Variants in EXPH5 observed in about 807,000 individuals in gnomAD.
EXPH5 encodes exophilin 5.
In EXPH5, 42 loss-of-function variants were observed where a neutral mutation model predicts 41.1. That is an observed-to-expected ratio of 1.02 (90% CI 0.80 to 1.32). The LOEUF is 1.32. Ranked by LOEUF, EXPH5 falls within the 40% of genes most tolerant of loss-of-function variation. The pLI is 0.00. For missense variants in EXPH5, 2,298 were observed against 2,314.5 expected, an observed-to-expected ratio of 0.99 and a Z score of 0.15; for synonymous variants, 798 against 833.5, an observed-to-expected ratio of 0.96 and a Z score of 0.73.
rs533307982 is a variant in EXPH5 at position 108,584,430 on chromosome 11, A to AT, written c.119+8987dup. Reference sequence around the variant, plus strand: ...GAGGTGGAGGTTGCATTGAGCCAAGATTGTGCCACCGCACTCCAGCTTAGG... The same window carrying AT: ...GAGGTGGAGGTTGCATTGAGCCAAGATTTGTGCCACCGCACTCCAGCTTAGG... On this transcript the variant is annotated intron_variant, in intron 1 of 5. Transcript: ENST00000265843. 1.8e-3 allele frequency among the ~76,000 whole-genome samples: 272 copies of AT among 152,142 alleles called. 3 individuals carry two copies. The highest frequency in any genetic ancestry group is 6.1e-3 in the African/African-American group (253 of 41,494).
At chr11:108,515,934 T>A (rs2135938322) in intron 5 of EXPH5, among the ~76,000 whole-genome samples, 1 of 151,710 alleles carries the variant, frequency 6.6e-6, no homozygotes, top group South Asian at 2.1e-4. Context: ...TAGCCGGGCG[T>A]GGTGGCGGGC....
At chr11:108,517,418 C>T (rs1159215024) in intron 5 of EXPH5, among the ~76,000 whole-genome samples, 1 of 152,252 alleles carries the variant, frequency 6.6e-6, no homozygotes, top group African/African-American at 2.4e-5. Context: ...CTCTACCCGA[C>T]TGCTGTCCCA....
At chr11:108,572,785 C>G (rs1413051494) in intron 1 of EXPH5, among the ~76,000 whole-genome samples, 1 of 152,038 alleles carries the variant, frequency 6.6e-6, no homozygotes, top group African/African-American at 2.4e-5. Flanking sequence ...TCTTGAACTC[C>G]TGACCTTAGG....
At chr11:108,603,200 G>A in the EXPH5 span, among the ~76,000 whole-genome samples, 1 of 152,158 alleles carries the variant, frequency 6.6e-6, no homozygotes, top group Non-Finnish European at 1.5e-5. Context: ...CCCAGTCTCA[G>A]GTAGTTCTTT....
intron 1 of EXPH5, among the ~76,000 whole-genome samples, chr11:108,582,616 A>G (rs772693614): frequency 6.6e-6 from 1 of 152,228 alleles, no homozygotes; most frequent in Non-Finnish European, 1.5e-5. Context: ...TTTCTTGAGC[A>G]TGTAAGTGGA....
chr11:108,550,616 T>C (rs185260276), intron 1 of EXPH5, among the ~76,000 whole-genome samples: 7 of 152,054 alleles, frequency 4.6e-5, no homozygotes, highest in Admixed American at 2.6e-4. Flanking sequence ...CTGTCTCTAC[T>C]AAAAATATAA....
In EXPH5 at chr11:108,544,402, A is replaced by G. The variant is rs143140489; in HGVS notation, c.120-2590T>C. On this transcript the variant is annotated intron_variant, in intron 1 of 5. Coordinates refer to ENST00000265843, the MANE Select transcript of EXPH5 (RefSeq NM_015065.3). ...AGGCTTGCCTTAAACTCCTGGCCTC[A>G]AGCGATCCTCCCACTTCAGCCCCTC... 1.6e-3 allele frequency among the ~76,000 whole-genome samples: 249 copies of G among 152,228 alleles called. 1 individual carries two copies. Among genetic ancestry groups the G allele is most frequent in the African/African-American group, 5.8e-3 (240 of 41,540 alleles).
chr11:108,570,526 A>G (rs546262213), intron 1 of EXPH5, among the ~76,000 whole-genome samples: 3 of 152,112 alleles, frequency 2.0e-5, no homozygotes, highest in Non-Finnish European at 4.4e-5. Context: ...AAGTGCTGGG[A>G]TTACAGGTGT....
At chr11:108,579,997 A>G (rs12286270) in intron 1 of EXPH5, among the ~76,000 whole-genome samples, 9,391 of 152,206 alleles carry the variant, frequency 0.062, 773 homozygotes, top group African/African-American at 0.19. Flanking sequence ...CTGGGGAAAT[A>G]TTTTATGAAT....
intron 5 of EXPH5, among the ~76,000 whole-genome samples, chr11:108,515,899 C>T (rs190574177): frequency 6.6e-6 from 1 of 151,934 alleles, no homozygotes; most frequent in Non-Finnish European, 1.5e-5. Flanking sequence ...GGTGAAACCC[C>T]GTCTCCACTA....
rs751651302 is a variant in EXPH5, at chr11:108,512,129, G to A, written c.3378C>T (p.Pro1126=). 4 of 1,613,828 alleles carry A rather than the reference G, an allele frequency of 2.5e-6. No individual in the cohort carries two copies. The highest frequency in any genetic ancestry group is 2.5e-6 in the Non-Finnish European group (3 of 1,179,914). The stretch of plus-strand genomic sequence containing the variant: ...CAGTTGAGGCATGTGGCTCCCCTGA[G>A]GGACATGACATAGCCCTGTTGATGA... The part of the protein sequence containing the change: ...PFLINRAMSC[P]SGEPHASTGR... Residue 1126 remains proline (P), a synonymous_variant, in exon 6 of 6, where the codon CCC becomes CCT. Coordinates refer to ENST00000265843, the MANE Select transcript of EXPH5 (RefSeq NM_015065.3).
At chr11:108,520,136 T>C (rs2093755836) in intron 4 of EXPH5, among the ~76,000 whole-genome samples, 1 of 152,084 alleles carries the variant, frequency 6.6e-6, no homozygotes, top group South Asian at 2.1e-4. Context: ...CCGCCTGAGC[T>C]CCGCCTCCAG....
chr11:108,538,561 T>C (rs1385591007), intron 3 of EXPH5, among the ~76,000 whole-genome samples: 3 of 152,210 alleles, frequency 2.0e-5, no homozygotes, highest in African/African-American at 4.8e-5. Flanking sequence ...TTTAGAATTC[T>C]ATTTTTCTCT....
At chr11:108,547,902 T>C (rs2093945635) in intron 1 of EXPH5, among the ~76,000 whole-genome samples, 1 of 151,874 alleles carries the variant, frequency 6.6e-6, no homozygotes, top group South Asian at 2.1e-4. Context: ...CTGAGGTCAG[T>C]AGTTCAAGAC....
At chr11:108,534,042 G>A (rs938188266) in intron 3 of EXPH5, among the ~76,000 whole-genome samples, 7 of 152,068 alleles carry the variant, frequency 4.6e-5, no homozygotes, top group African/African-American at 7.2e-5. Context: ...TGAGTCTCCC[G>A]CCTCAGCCTC....
chr11:108,599,763 G>A, the EXPH5 span, among the ~76,000 whole-genome samples: 1 of 152,190 alleles, frequency 6.6e-6, no homozygotes, highest in Non-Finnish European at 1.5e-5. Flanking sequence ...ACCTGGAAAA[G>A]AAACCTTTTT....
intron 4 of EXPH5, 103 bp downstream of exon 4, chr11:108,528,033 T>C (rs1388948779): frequency 5.5e-6 from 4 of 721,228 alleles, no homozygotes; most frequent in Non-Finnish European, 9.6e-6. Flanking sequence ...CTAAAATAAA[T>C]TTAAAACTGA....
intron 1 of EXPH5, among the ~76,000 whole-genome samples, chr11:108,574,404 G>A (rs886757282): frequency 6.6e-6 from 1 of 151,330 alleles, no homozygotes; most frequent in African/African-American, 2.4e-5. Context: ...TTTAAAAAGA[G>A]GTACATTTGG....
chr11:108,526,091 A>T lies in EXPH5; in HGVS notation c.492+2045T>A, dbSNP rs551145453. ...CACCACACCTGTCTAATTAAAAAAA[A>T]TTTTTTTTTTTTGTAGAGACAGGGT... On this transcript the variant is annotated intron_variant, in intron 4 of 5. Transcript: ENST00000265843. 9.2e-3 allele frequency among the ~76,000 whole-genome samples: 1,335 copies of T among 145,640 alleles called. 11 individuals carry two copies. The highest frequency in any genetic ancestry group is 0.023 in the African/African-American group (903 of 39,950).
Sources: allele counts gnomAD v4.1 joint callset (sites outside exome capture counted in the v4.1 genomes callset), GRCh38; gene constraint gnomAD v4.1.1; transcripts MANE v1.5; gene names NCBI Gene and HGNC (gene_info 2026-07-23, HGNC 2026-07-21).